The following TECPR2 variants were observed in gnomAD, a reference collection of about 807,000 sequenced individuals.
The protein encoded by TECPR2 is tectonin beta-propeller repeat containing 2, also known as tectonin beta-propeller repeat-containing protein 2.
TECPR2 carries 65 observed loss-of-function variants against 138.1 expected under a neutral mutation model. The observed-to-expected ratio is 0.47, with a 90% CI of 0.39 to 0.58. TECPR2 has a LOEUF of 0.58. Among genes scored for constraint, TECPR2 ranks in the 20% least tolerant of loss-of-function variants. TECPR2 has a pLI of 0.00. For missense variants in TECPR2, 1,553 were observed against 1,824.5 expected (o/e 0.85, Z 2.71); for synonymous variants, 746 against 749.8 (o/e 0.99, Z 0.08).
At chr14:102,471,641 G>A (rs1012017001) in intron 17 of TECPR2, among the ~76,000 whole-genome samples, 1 of 151,946 alleles carries the variant, frequency 6.6e-6, no homozygotes. Context: ...GTTCAAGGCT[G>A]TAGTGAGCTA....
At chr14:102,412,346 T>C (rs531415418) in intron 4 of TECPR2, among the ~76,000 whole-genome samples, 23 of 152,302 alleles carry the variant, frequency 1.5e-4, no homozygotes, top group African/African-American at 4.8e-4. Flanking sequence ...TTGCACAGGC[T>C]GGTCTTGAAC....
chr14:102,393,544 T>G (rs1294804287), intron 2 of TECPR2, among the ~76,000 whole-genome samples: 2 of 152,096 alleles, frequency 1.3e-5, no homozygotes, highest in Non-Finnish European at 2.9e-5. Flanking sequence ...TCCAGCCCCC[T>G]CTACATGATC....
At chr14:102,491,297 C>T (rs1185128524) in intron 17 of TECPR2, among the ~76,000 whole-genome samples, 2 of 152,184 alleles carry the variant, frequency 1.3e-5, no homozygotes. Context: ...CTTACTGCAG[C>T]CTCAAACTCC....
intron 17 of TECPR2, among the ~76,000 whole-genome samples, chr14:102,495,697 G>A (rs577557199): frequency 1.3e-5 from 2 of 152,356 alleles, no homozygotes; most frequent in African/African-American, 2.4e-5. Flanking sequence ...AGCGGCCACC[G>A]CCCCGTCCTC....
chr14:102,380,738 G>A (rs1432554130), intron 2 of TECPR2, among the ~76,000 whole-genome samples: 3 of 152,252 alleles, frequency 2.0e-5, no homozygotes, highest in African/African-American at 7.2e-5. Context: ...GAGTGCAGTG[G>A]CGCGATCTCG....
rs145129878 is a variant in TECPR2, at chr14:102,434,689, G to A, written c.1872G>A (p.Ala624=). Residue 624 remains alanine (A), a synonymous_variant, in exon 9 of 20, where the codon GCG becomes GCA. Coordinates refer to ENST00000359520, the MANE Select transcript of TECPR2 (RefSeq NM_014844.5). The part of the protein sequence containing the change: ...PFQEQDSSPG[A]HDGEDIQPIG... The stretch of plus-strand genomic sequence containing the variant: ...AAGAACAGGACAGCTCTCCTGGGGC[G>A]CATGATGGGGAAGACATCCAACCCA... 2.1e-4 allele frequency: 344 copies of A among 1,613,100 alleles called. 2 individuals carry two copies. Among genetic ancestry groups the A allele is most frequent in the Admixed American group, 1.8e-4 (11 of 59,932 alleles).
rs114864840 is a variant in TECPR2 at position 102,463,996 on chromosome 14, G to A, written c.3641-1145G>A. On this transcript the variant is annotated intron_variant, in intron 16 of 19. Transcript: ENST00000359520. ...TGAAGATCTGTGCATTGTGCTGTAGGTAAAGTCTCAGAGGTCAGAGGTTGC... is the reference window on the plus strand; with the variant it reads ...TGAAGATCTGTGCATTGTGCTGTAGATAAAGTCTCAGAGGTCAGAGGTTGC... 5.8e-3 allele frequency among the ~76,000 whole-genome samples: 887 copies of A among 152,308 alleles called. 4 individuals are homozygous for A. The highest frequency in any genetic ancestry group is 0.021 in the African/African-American group (858 of 41,568).
Position 102,498,262 on chromosome 14 carries a change from G to T in TECPR2, c.*5G>T. 3 of 1,598,780 alleles carry T rather than the reference G, an allele frequency of 1.9e-6. No homozygotes were observed. The highest frequency in any genetic ancestry group is 2.5e-6 in the Non-Finnish European group (3 of 1,179,244). On this transcript the variant is annotated 3_prime_UTR_variant, in exon 20 of 20. Coordinates refer to ENST00000359520, the MANE Select transcript of TECPR2 (RefSeq NM_014844.5). Reference sequence around the variant, plus strand: ...GACGAGTGGGAGGTCATCTGAAGGAGCCCTGGCCGAGTCACGCGGAGGGGC... The same window carrying T: ...GACGAGTGGGAGGTCATCTGAAGGATCCCTGGCCGAGTCACGCGGAGGGGC...
chr14:102,436,638 A>G (rs990208207), intron 9 of TECPR2, among the ~76,000 whole-genome samples: 1 of 152,144 alleles, frequency 6.6e-6, no homozygotes, highest in Admixed American at 6.5e-5. Flanking sequence ...CCTTTTATTC[A>G]GTCATCCGGC....
chr14:102,422,200 T>C (rs905540167), intron 5 of TECPR2, among the ~76,000 whole-genome samples: 9 of 152,180 alleles, frequency 5.9e-5, no homozygotes, highest in Non-Finnish European at 1.3e-4. Flanking sequence ...CATAGCACAA[T>C]TGCTCAAAAT....
chr14:102,473,869 T>G (rs763643812), intron 17 of TECPR2, among the ~76,000 whole-genome samples: 1 of 152,214 alleles, frequency 6.6e-6, no homozygotes, highest in Non-Finnish European at 1.5e-5. Context: ...GTGCCCCATG[T>G]GCTTGAGTAG....
chr14:102,498,207 G>A lies in TECPR2; in HGVS notation c.4186G>A (p.Ala1396Thr). The change falls in exon 20 of 20, where the codon GCC becomes ACC. Residue 1396 changes from alanine (A) to threonine (T), a missense_variant. Coordinates refer to ENST00000359520, the MANE Select transcript of TECPR2 (RefSeq NM_014844.5). Reference protein sequence around the residue: ...HSHGTQKSSQAAMPHPEDLED... With the variant: ...HSHGTQKSSQTAMPHPEDLED... ...GCACGGCACCCAGAAGAGCAGCCAG[G>A]CCGCCATGCCCCACCCTGAGGACCT... The A allele has an allele frequency of 6.2e-7, 1 of 1,608,286 alleles. No individual in the cohort carries two copies. The highest frequency in any genetic ancestry group is 8.5e-7 in the Non-Finnish European group (1 of 1,179,980).
chr14:102,428,059 A>G (rs1241316237), intron 6 of TECPR2, among the ~76,000 whole-genome samples, 191 bp from the exon 7 acceptor site: 1 of 152,186 alleles, frequency 6.6e-6, no homozygotes, highest in African/African-American at 2.4e-5. Flanking sequence ...GGGACCCCTC[A>G]GATCCTGCTT....
intron 16 of TECPR2, among the ~76,000 whole-genome samples, chr14:102,457,950 T>C (rs1242806372): frequency 6.8e-6 from 1 of 147,680 alleles, no homozygotes; most frequent in Non-Finnish European, 1.5e-5. Context: ...TTTGACTCAC[T>C]GCAACCTCCG....
intron 1 of TECPR2, among the ~76,000 whole-genome samples, chr14:102,370,148 T>C (rs574828670): frequency 2.0e-4 from 31 of 152,122 alleles, no homozygotes; most frequent in African/African-American, 7.0e-4. Flanking sequence ...CTTGGTTCAC[T>C]GGAACCTCTG....
In TECPR2 at chr14:102,438,103, C is replaced by T; in HGVS notation, c.2476C>T (p.Leu826=). 4 of 1,614,156 alleles carry T rather than the reference C, an allele frequency of 2.5e-6. 1 individual carries two copies. Among genetic ancestry groups the T allele is most frequent in the South Asian group, 2.2e-5 (2 of 91,078 alleles). The change falls in exon 10 of 20, where the codon CTG becomes TTG. Residue 826 remains leucine, a synonymous_variant. Transcript: ENST00000359520. ...LVVSEKYIWC[L]DYKGGLFCSA... ...GGTCTCCGAGAAGTATATCTGGTGC[C>T]TGGACTACAAAGGCGGCCTGTTCTG... is the stretch of plus-strand genomic sequence containing the variant.
rs535755511 is a variant in TECPR2, at chr14:102,443,152, G to T, written c.2753-495G>T. 1.3e-5 allele frequency among the ~76,000 whole-genome samples: 2 copies of T among 152,382 alleles called. No homozygotes were observed. The highest frequency in any genetic ancestry group is 6.5e-5 in the Admixed American group (1 of 15,306). On this transcript the variant is annotated intron_variant, in intron 11 of 19. Transcript: ENST00000359520. This position sits in a 1 kb window ranked among gnomAD's most constrained non-coding sequence, Gnocchi z 4.9. Reference sequence around the variant, plus strand: ...CAGCGCTGCAGCCCTCTGCCTGGAAGAGCTGCTCTGCCCTGCAGCCTTTGG... The same window carrying T: ...CAGCGCTGCAGCCCTCTGCCTGGAATAGCTGCTCTGCCCTGCAGCCTTTGG...
Position 102,431,985 on chromosome 14 carries a change from C to A in TECPR2, c.1274C>A (p.Pro425His). ...GACAGCGGCTCCGGGCTCCTGCCCCCTGGGCTCCAGGCCACCCCTGAGCTG... is the reference window on the plus strand; with the variant it reads ...GACAGCGGCTCCGGGCTCCTGCCCCATGGGCTCCAGGCCACCCCTGAGCTG... The part of the protein sequence containing the change: ...STDSGSGLLP[P>H]GLQATPELGK... Residue 425 changes from proline (P) to histidine (H), a missense_variant, in exon 8 of 20, where the codon CCT becomes CAT. Transcript: ENST00000359520. 5 of 1,612,906 alleles carry A rather than the reference C, an allele frequency of 3.1e-6. No individual in the cohort carries two copies. Among genetic ancestry groups the A allele is most frequent in the Non-Finnish European group, 4.2e-6 (5 of 1,179,904 alleles).
At chr14:102,442,695 C>G (rs1889867647) in intron 11 of TECPR2, among the ~76,000 whole-genome samples, 1 of 152,172 alleles carries the variant, frequency 6.6e-6, no homozygotes, top group Non-Finnish European at 1.5e-5. Flanking sequence ...GTAAGAAGTC[C>G]TGCCGGTGAT....
Sources: gnomAD v4.1 joint callset for allele counts (sites outside exome capture counted in the v4.1 genomes callset) on GRCh38, gnomAD v4.1.1 for gene constraint, Gnocchi (gnomAD v3.1) non-coding constraint, MANE v1.5 for transcripts, NCBI Gene and HGNC (gene_info 2026-07-23, HGNC 2026-07-21) for gene names.